ABLIM1: variants seen among roughly 807,000 people sequenced by gnomAD.
ABLIM1 encodes the protein actin-binding LIM protein 1.
In ABLIM1, 40 loss-of-function variants were observed where a neutral mutation model predicts 107.0. The ratio of observed to expected loss-of-function variants is 0.37; its 90% confidence interval spans 0.29 to 0.49. ABLIM1 has a LOEUF of 0.49. ABLIM1 is among the 20% of genes least tolerant of loss of function. ABLIM1 has a pLI of 0.97. For missense variants in ABLIM1, 857 were observed against 1,008.5 expected (o/e 0.85, Z 2.04); for synonymous variants, 357 against 357.3 (o/e 1.00, Z 0.01).
intron 6 of ABLIM1, chr10:114,526,913 C>T (rs770939731): frequency 2.8e-5 from 28 of 985,410 alleles, no homozygotes; most frequent in Non-Finnish European, 3.3e-5. Flanking sequence ...CGCTCTCTCA[C>T]GCCTCCTCTC....
In ABLIM1 at chr10:114,571,915, C is replaced by T. The variant is rs141329191; in HGVS notation, c.564-509G>A. 8.4e-3 allele frequency among the ~76,000 whole-genome samples: 1,281 copies of T among 152,226 alleles called. 6 individuals are homozygous for T. Among genetic ancestry groups the T allele is most frequent in the African/African-American group, 0.015 (613 of 41,520 alleles). ...TGTGCTGGACACCTACATGGGTGAA[C>T]GGAACGTTTCATGGTGCTGGAGACC... On this transcript the variant is annotated intron_variant, in intron 3 of 22. Coordinates refer to ENST00000533213, the MANE Select transcript of ABLIM1 (RefSeq NM_002313.7).
At position 114,517,666 on chromosome 10, in the gene ABLIM1, T is replaced by G. The variant is rs553279226; in HGVS notation, c.895-25788A>C. ...CTGTACTTTTTTGCGATAAACTGTG[T>G]TCACAGCAGGACAAAAAACTTGGGA... On this transcript the variant is annotated intron_variant, in intron 6 of 22. Transcript: ENST00000533213. 4.6e-5 allele frequency among the ~76,000 whole-genome samples: 7 copies of G among 152,290 alleles called. No homozygotes were observed. The South Asian group carries it at 1.0e-3, about 23-fold the overall frequency.
At chr10:114,740,294 T>G (rs1324867112) in intron 1 of ABLIM1, among the ~76,000 whole-genome samples, 1 of 152,184 alleles carries the variant, frequency 6.6e-6, no homozygotes, top group Non-Finnish European at 1.5e-5. Flanking sequence ...CTTTTCCTAC[T>G]CGTAGCATAT....
At chr10:114,547,133 T>C (rs987933859) in intron 5 of ABLIM1, among the ~76,000 whole-genome samples, 1 of 138,190 alleles carries the variant, frequency 7.2e-6, no homozygotes, top group African/African-American at 2.9e-5. Context: ...CGGTGGAAAA[T>C]TTCCCCTCAT....
chr10:114,761,653 T>C (rs939934494), intron 1 of ABLIM1, among the ~76,000 whole-genome samples: 2 of 152,080 alleles, frequency 1.3e-5, no homozygotes, highest in Non-Finnish European at 2.9e-5. Flanking sequence ...CCCTTGTCAG[T>C]GAAAAACCCT....
chr10:114,598,190 C>T (rs544495962), intron 2 of ABLIM1, among the ~76,000 whole-genome samples: 5 of 142,944 alleles, frequency 3.5e-5, no homozygotes, highest in Non-Finnish European at 6.0e-5. Flanking sequence ...AGGAGAATCG[C>T]TTGAACCCGG....
intron 1 of ABLIM1, among the ~76,000 whole-genome samples, chr10:114,644,769 T>C (rs943985883): frequency 1.1e-4 from 16 of 152,204 alleles, no homozygotes; most frequent in Non-Finnish European, 1.6e-4. Flanking sequence ...CAGTGATGGA[T>C]ATTCACCTTA....
At chr10:114,769,079 A>T (rs988379811), upstream of ABLIM1, among the ~76,000 whole-genome samples, 3 of 149,092 alleles carry the variant, frequency 2.0e-5, no homozygotes, top group Non-Finnish European at 4.5e-5. Context: ...CACTCATGTA[A>T]TCCCAGCACT....
chr10:114,599,867 T>C (rs533885384), intron 2 of ABLIM1, among the ~76,000 whole-genome samples: 14 of 152,022 alleles, frequency 9.2e-5, no homozygotes, highest in African/African-American at 3.4e-4. Context: ...TTATGGATTG[T>C]ATTTATTTCA....
the ABLIM1 span, among the ~76,000 whole-genome samples, chr10:114,791,125 T>C: frequency 6.6e-6 from 1 of 152,020 alleles, no homozygotes; most frequent in Non-Finnish European, 1.5e-5. Context: ...CAGGCTGGAG[T>C]GTACTGGAGC....
At chr10:114,557,722 T>A in intron 4 of ABLIM1, among the ~76,000 whole-genome samples, 1 of 144,806 alleles carries the variant, frequency 6.9e-6, no homozygotes, top group Admixed American at 7.1e-5. Context: ...GCCCTTCTGG[T>A]CTTAAAGCTT....
At chr10:114,622,454 G>C (rs1042913533) in intron 1 of ABLIM1, among the ~76,000 whole-genome samples, 2 of 151,730 alleles carry the variant, frequency 1.3e-5, no homozygotes, top group Non-Finnish European at 2.9e-5. Context: ...GTTTTTTGGA[G>C]AGACAGGGTC....
At chr10:114,507,830 T>C (rs2061361587) in intron 6 of ABLIM1, among the ~76,000 whole-genome samples, 1 of 152,210 alleles carries the variant, frequency 6.6e-6, no homozygotes, top group African/African-American at 2.4e-5. Flanking sequence ...AGTGTTAGGC[T>C]GTGCAACCTA....
chr10:114,704,302 C>CTCTCTCTCTATA (rs1380460034), intron 1 of ABLIM1, among the ~76,000 whole-genome samples: 1 of 43,090 alleles, frequency 2.3e-5, no homozygotes, highest in South Asian at 1.3e-3. Context: ...CTCTCTCTCT[C>CTCTCTCTCTATA]TATATATATA....
At chr10:114,735,645 T>C (rs1435791193) in intron 1 of ABLIM1, among the ~76,000 whole-genome samples, 1 of 152,182 alleles carries the variant, frequency 6.6e-6, no homozygotes, top group Non-Finnish European at 1.5e-5. Flanking sequence ...AATTTTTGTA[T>C]TGTTAGTACA....
chr10:114,546,919 T>C (rs1199720987), intron 5 of ABLIM1, among the ~76,000 whole-genome samples: 5 of 151,984 alleles, frequency 3.3e-5, no homozygotes, highest in African/African-American at 7.3e-5. Context: ...TAGCTGGGAC[T>C]ACAGGCATGT....
intron 1 of ABLIM1, among the ~76,000 whole-genome samples, chr10:114,627,894 G>T (rs1030268771): frequency 6.6e-6 from 1 of 152,104 alleles, no homozygotes; most frequent in African/African-American, 2.4e-5. Flanking sequence ...AGGCCGAGGC[G>T]GGTGGATCAC....
In ABLIM1 at chr10:114,657,954, TACC is replaced by T; in HGVS notation, c.244_244+2del. ...CATGTCCAGAGAGGGTTATTTTACT[TACC>T]AAAAGGATCAACGCTGTTACATACA... On this transcript the variant is annotated splice_donor_variant and coding_sequence_variant, in exon 1 of 23. Transcript: ENST00000533213. LOFTEE classifies it high-confidence loss of function. 6.2e-7 allele frequency: 1 copy of T among 1,606,476 alleles called. No individual in the cohort carries two copies. Among genetic ancestry groups the T allele is most frequent in the Non-Finnish European group, 8.5e-7 (1 of 1,174,172 alleles).
upstream of ABLIM1, among the ~76,000 whole-genome samples, chr10:114,771,039 C>T (rs193054454): frequency 1.1e-4 from 17 of 152,318 alleles, no homozygotes; most frequent in East Asian, 2.1e-3. Flanking sequence ...CCATGTTGGC[C>T]AGGCTGGTCT....
Sources: gnomAD v4.1 joint callset for allele counts (sites outside exome capture counted in the v4.1 genomes callset) on GRCh38, gnomAD v4.1.1 for gene constraint, MANE v1.5 for transcripts, NCBI Gene and HGNC (gene_info 2026-07-23, HGNC 2026-07-21) for gene names.